GALNT18: variants seen among roughly 807,000 people sequenced by gnomAD.
GALNT18 encodes the protein polypeptide N-acetylgalactosaminyltransferase 18.
GALNT18 carries 44 observed loss-of-function variants against 69.5 expected under a neutral mutation model. That is an observed-to-expected ratio of 0.63 (90% confidence interval 0.50 to 0.81). The LOEUF is 0.81. Among genes scored for constraint, GALNT18 ranks in the 40% least tolerant of loss-of-function variants. The pLI is 0.00. For missense variants in GALNT18, 715 were observed against 810.0 expected (o/e 0.88, Z 1.42); for synonymous variants, 364 against 318.2 (o/e 1.14, Z -1.53).
rs1854123263 is a variant in GALNT18, at chr11:11,389,163, A to G, written c.596-9899T>C. Among the ~76,000 whole-genome samples the G allele has an allele frequency of 6.6e-6, 1 of 152,218 alleles. No homozygotes were observed. The highest frequency in any genetic ancestry group is 1.5e-5 in the Non-Finnish European group (1 of 68,040). On this transcript the variant is annotated intron_variant, in intron 3 of 10. Transcript: ENST00000227756. The surrounding 1 kb of genome is among the most constrained non-coding windows in gnomAD (Gnocchi z 4.3). ...AAGGATGAGAGACTTTAAAGAACAT[A>G]TTCCAAGTAACACAGAAGGTAAGGA... is the stretch of plus-strand genomic sequence containing the variant.
chr11:11,483,855 T>C (rs970338368), intron 1 of GALNT18, among the ~76,000 whole-genome samples: 2 of 152,140 alleles, frequency 1.3e-5, no homozygotes, highest in Non-Finnish European at 2.9e-5. Flanking sequence ...GGCGAGTTGG[T>C]ATTTAGGCTC....
chr11:11,460,172 C>A (rs925997313), intron 1 of GALNT18, among the ~76,000 whole-genome samples: 8 of 152,210 alleles, frequency 5.3e-5, no homozygotes, highest in Non-Finnish European at 1.0e-4. Context: ...ATTCCCTATG[C>A]AACCTTAGTT....
chr11:11,290,249 G>T (rs930678053), intron 10 of GALNT18, among the ~76,000 whole-genome samples: 6 of 152,198 alleles, frequency 3.9e-5, no homozygotes, highest in African/African-American at 1.4e-4. Flanking sequence ...AGACCCCGGG[G>T]TCATGGAGGA....
rs530131782 is a variant in GALNT18 at position 11,271,549 on chromosome 11, C to G, written c.1678-259G>C. Among the ~76,000 whole-genome samples the G allele has an allele frequency of 4.6e-5, 7 of 152,292 alleles. No individual in the cohort carries two copies. In the South Asian group the frequency reaches 1.5e-3, roughly 32 times the overall value. On this transcript the variant is annotated intron_variant, in intron 10 of 10. Transcript: ENST00000227756. ...GAGGCCTCCCCACCCCTAGGTAGTT[C>G]TGTCTACCTAGCTGGGCTGTGGTAC...
chr11:11,443,222 G>A (rs10466377), intron 2 of GALNT18, among the ~76,000 whole-genome samples: 152,158 of 152,248 alleles, frequency 1, 76,034 homozygotes, highest in Middle Eastern at 1. Context: ...CACACTGGCT[G>A]GCTCACTTCA....
rs1211972717 is a variant in GALNT18 at position 11,421,787 on chromosome 11, C to G, written c.595+10834G>C. Among the ~76,000 whole-genome samples, 1 of 151,750 alleles carries G rather than the reference C, an allele frequency of 6.6e-6. No individual in the cohort carries two copies. On this transcript the variant is annotated intron_variant, in intron 3 of 10. Transcript: ENST00000227756. The surrounding 1 kb of genome is among the most constrained non-coding windows in gnomAD (Gnocchi z 5.6). ...AGGTCAGGACTGGCCACGCTGCTAGCACACAGCATCTTGATGTACTTGGCC... is the reference window on the plus strand; with the variant it reads ...AGGTCAGGACTGGCCACGCTGCTAGGACACAGCATCTTGATGTACTTGGCC...
At chr11:11,518,326 C>CG (rs1323220709) in intron 1 of GALNT18, among the ~76,000 whole-genome samples, 2 of 152,188 alleles carry the variant, frequency 1.3e-5, no homozygotes, top group African/African-American at 4.8e-5. Flanking sequence ...AAATGATGTG[C>CG]AAATGAGAAA....
chr11:11,359,496 T>C (rs948520724), intron 6 of GALNT18, among the ~76,000 whole-genome samples: 3 of 152,298 alleles, frequency 2.0e-5, no homozygotes, highest in African/African-American at 7.2e-5. Flanking sequence ...GATTTCTGAC[T>C]TCCTCTCTTT....
intron 1 of GALNT18, among the ~76,000 whole-genome samples, chr11:11,574,691 G>A (rs1029009233): frequency 2.6e-5 from 4 of 152,190 alleles, no homozygotes; most frequent in African/African-American, 9.7e-5. Flanking sequence ...TCTGGGTGCA[G>A]GCAGGAGCTG....
At chr11:11,547,646 T>C (rs1396708183) in intron 1 of GALNT18, among the ~76,000 whole-genome samples, 3 of 152,214 alleles carry the variant, frequency 2.0e-5, no homozygotes, top group African/African-American at 7.2e-5. Context: ...AGCAAGCCCC[T>C]GCTCGAGACC....
chr11:11,437,484 C>A (rs1009518571), intron 2 of GALNT18, among the ~76,000 whole-genome samples: 2 of 151,998 alleles, frequency 1.3e-5, no homozygotes, highest in African/African-American at 4.8e-5. Context: ...TGCAGAGATC[C>A]CCCAGGACTG....
Position 11,620,091 on chromosome 11 carries a change from T to A in GALNT18, c.235+1268A>T, listed in dbSNP as rs1257522235. ...TGGCAAGAGCAGCAGGTGCAAGGAT[T>A]GGAATTCAGACATCCACGTGTAAAC... On this transcript the variant is annotated intron_variant, in intron 1 of 10. Transcript: ENST00000227756. This position sits in a 1 kb window ranked among gnomAD's most constrained non-coding sequence, Gnocchi z 6.9. 2.1e-5 allele frequency among the ~76,000 whole-genome samples: 3 copies of A among 143,300 alleles called. No homozygotes were observed. Among genetic ancestry groups the A allele is most frequent in the Non-Finnish European group, 4.5e-5 (3 of 66,604 alleles). 94.0% of individuals were successfully genotyped at this position (143,300 alleles called of 152,430 possible).
intron 10 of GALNT18, among the ~76,000 whole-genome samples, 153 bp downstream of exon 10, chr11:11,292,876 T>TGAGAA (rs2133004829): frequency 6.6e-6 from 1 of 152,344 alleles, no homozygotes; most frequent in East Asian, 1.9e-4. Flanking sequence ...AGCAAATCCC[T>TGAGAA]GAGAAGCAAA....
intron 9 of GALNT18, among the ~76,000 whole-genome samples, chr11:11,308,952 T>G (rs112792148): frequency 1.3e-5 from 2 of 152,110 alleles, no homozygotes; most frequent in East Asian, 3.9e-4. Flanking sequence ...TGAAGTCTAA[T>G]ACTCCATTGC....
chr11:11,295,086 C>G (rs1325383462), intron 9 of GALNT18, among the ~76,000 whole-genome samples: 1 of 152,120 alleles, frequency 6.6e-6, no homozygotes, highest in Non-Finnish European at 1.5e-5. Context: ...GTGTGCTAGG[C>G]CATAAAAGGG....
intron 10 of GALNT18, among the ~76,000 whole-genome samples, chr11:11,286,759 AAG>A (rs1202583540): frequency 6.6e-6 from 1 of 152,176 alleles, no homozygotes; most frequent in Non-Finnish European, 1.5e-5. Flanking sequence ...CTGATGGAAG[AAG>A]AGAGGGACAC....
intron 1 of GALNT18, among the ~76,000 whole-genome samples, chr11:11,520,359 G>C (rs1857368964): frequency 1.3e-5 from 2 of 152,216 alleles, no homozygotes; most frequent in South Asian, 4.1e-4. Flanking sequence ...AGGCGCCTGG[G>C]TGTGTTCTCT....
intron 7 of GALNT18, among the ~76,000 whole-genome samples, chr11:11,334,263 C>T (rs1384740831): frequency 6.6e-6 from 1 of 152,108 alleles, no homozygotes; most frequent in Admixed American, 6.5e-5. Context: ...AATTTAGGGG[C>T]CAGGCGCAGT....
intron 1 of GALNT18, among the ~76,000 whole-genome samples, chr11:11,585,354 C>CTT (rs796771821): frequency 2.7e-4 from 37 of 138,364 alleles, no homozygotes; most frequent in South Asian, 7.1e-4. Flanking sequence ...GAAGAAAAAT[C>CTT]TTTTTTTTTT....
Sources: allele counts gnomAD v4.1 joint callset (sites outside exome capture counted in the v4.1 genomes callset), GRCh38; gene constraint gnomAD v4.1.1; non-coding constraint Gnocchi (gnomAD v3.1); transcripts MANE v1.5; gene names NCBI Gene and HGNC (gene_info 2026-07-23, HGNC 2026-07-21).